The following NALF1 variants were observed in gnomAD, a reference collection of about 807,000 sequenced individuals.
NALF1 encodes NALCN channel auxiliary factor 1, also known as family with sequence similarity 155 member A.
Under a neutral mutation model 48.4 loss-of-function variants are expected in NALF1, and 3 were observed. That is an observed-to-expected ratio of 0.06 (90% CI 0.03 to 0.16). NALF1 has a LOEUF of 0.16. Ranked by LOEUF, NALF1 falls within the 10% of genes least tolerant of loss-of-function variation. The pLI is 1.00. For missense variants in NALF1, 526 were observed against 571.5 expected, an observed-to-expected ratio of 0.92 and a Z score of 0.81; for synonymous variants, 262 against 245.7, an observed-to-expected ratio of 1.07 and a Z score of -0.62.
intron 1 of NALF1, among the ~76,000 whole-genome samples, chr13:107,797,488 C>A (rs796807914): frequency 6.6e-6 from 1 of 152,144 alleles, no homozygotes; most frequent in East Asian, 1.9e-4. Flanking sequence ...GGATTACAGG[C>A]GTGAGCCACC....
intron 1 of NALF1, among the ~76,000 whole-genome samples, chr13:107,372,757 CTTGAAAAG>C (rs1883269030): frequency 1.3e-5 from 2 of 152,160 alleles, no homozygotes; most frequent in Admixed American, 1.3e-4. Context: ...ATCAAACATG[CTTGAAAAG>C]TTGCAATAAT....
At chr13:107,800,395 C>T (rs977027704) in intron 1 of NALF1, among the ~76,000 whole-genome samples, 2 of 151,670 alleles carry the variant, frequency 1.3e-5, no homozygotes, top group Non-Finnish European at 2.9e-5. Flanking sequence ...GATTTACACT[C>T]ATGGAATTAA....
rs902992081 is a variant in NALF1, at chr13:107,330,278, G to C, written c.916-119523C>G. Among the ~76,000 whole-genome samples the C allele has an allele frequency of 4.6e-5, 7 of 152,302 alleles. No homozygotes were observed. The East Asian group carries it at 1.3e-3, about 29-fold the overall frequency. On this transcript the variant is annotated intron_variant, in intron 1 of 2. Coordinates refer to ENST00000375915, the MANE Select transcript of NALF1 (RefSeq NM_001080396.3). ...CTAATGATGAGGAATTTGAAACGTT[G>C]TCTACTTGATGTCCAAAGAGAAAAG...
intron 1 of NALF1, among the ~76,000 whole-genome samples, chr13:107,242,968 G>A (rs772845974): frequency 2.0e-5 from 3 of 152,018 alleles, no homozygotes; most frequent in Admixed American, 6.6e-5. Flanking sequence ...GACAGTTTTA[G>A]GCCAAGCCAC....
chr13:107,649,150 A>G (rs1183259963), intron 1 of NALF1, among the ~76,000 whole-genome samples: 1 of 152,208 alleles, frequency 6.6e-6, no homozygotes, highest in African/African-American at 2.4e-5. Context: ...TTCTCTTAAC[A>G]GCACAGTTTT....
At chr13:107,240,579 T>G (rs1314332181) in intron 1 of NALF1, among the ~76,000 whole-genome samples, 1 of 152,006 alleles carries the variant, frequency 6.6e-6, no homozygotes, top group African/African-American at 2.4e-5. Flanking sequence ...GGCACTCCAT[T>G]CAGACTACAC....
intron 1 of NALF1, among the ~76,000 whole-genome samples, chr13:107,864,168 A>C (rs192664424): frequency 6.6e-6 from 1 of 152,316 alleles, no homozygotes; most frequent in Admixed American, 6.5e-5. Context: ...CCCAGGCATA[A>C]GTTAAAGTGA....
chr13:107,759,779 T>C (rs76856534), intron 1 of NALF1, among the ~76,000 whole-genome samples: 2 of 152,040 alleles, frequency 1.3e-5, no homozygotes, highest in Admixed American at 6.6e-5. Context: ...TTTTTTTTTT[T>C]CTGGGACTTA....
At chr13:107,543,916 G>T (rs1375801604) in intron 1 of NALF1, among the ~76,000 whole-genome samples, 4 of 151,920 alleles carry the variant, frequency 2.6e-5, no homozygotes, top group Non-Finnish European at 2.9e-5. Context: ...AAATATAGTG[G>T]CAATTTAGTG....
At chr13:107,687,345 T>C (rs1392524106) in intron 1 of NALF1, among the ~76,000 whole-genome samples, 1 of 151,956 alleles carries the variant, frequency 6.6e-6, no homozygotes, top group Non-Finnish European at 1.5e-5. Context: ...GCTGCAAATC[T>C]ACTTCTTGGA....
chr13:107,272,690 G>A (rs1309704615), intron 1 of NALF1, among the ~76,000 whole-genome samples: 1 of 152,122 alleles, frequency 6.6e-6, no homozygotes, highest in Non-Finnish European at 1.5e-5. Flanking sequence ...AGGATCATCA[G>A]AAAGTATAAA....
intron 1 of NALF1, among the ~76,000 whole-genome samples, chr13:107,417,398 TA>T (rs1343695463): frequency 6.7e-6 from 1 of 150,158 alleles, no homozygotes; most frequent in African/African-American, 2.4e-5. Context: ...TAAAAGTAGG[TA>T]TCTATTATCT....
intron 1 of NALF1, among the ~76,000 whole-genome samples, chr13:107,211,676 A>T (rs1879764420): frequency 6.7e-6 from 1 of 150,048 alleles, no homozygotes; most frequent in South Asian, 2.1e-4. Context: ...CCTTGGCACT[A>T]ATGGCTTTTA....
rs1884754319 is a variant in NALF1, at chr13:107,452,257, T to C, written c.916-241502A>G. On this transcript the variant is annotated intron_variant, in intron 1 of 2. Transcript: ENST00000375915. ...AGGCACATGGCCTTACGTGTGTTATTAGTCCATTTTCATACTGCTATAAAG... is the reference window on the plus strand; with the variant it reads ...AGGCACATGGCCTTACGTGTGTTATCAGTCCATTTTCATACTGCTATAAAG... 2.0e-5 allele frequency among the ~76,000 whole-genome samples: 3 copies of C among 152,194 alleles called. No individual in the cohort carries two copies. The South Asian group carries it at 6.2e-4, about 32-fold the overall frequency.
chr13:107,486,337 A>G (rs1369413933), intron 1 of NALF1, among the ~76,000 whole-genome samples: 2 of 152,208 alleles, frequency 1.3e-5, no homozygotes, highest in East Asian at 3.9e-4. Context: ...TGGTGAAGAA[A>G]AAAGACCTTC....
intron 1 of NALF1, among the ~76,000 whole-genome samples, chr13:107,452,493 C>G (rs916726650): frequency 6.6e-6 from 1 of 152,142 alleles, no homozygotes; most frequent in African/African-American, 2.4e-5. Context: ...AACTCACTCA[C>G]TATCATGAGA....
chr13:107,444,011 C>G (rs1215820879), intron 1 of NALF1, among the ~76,000 whole-genome samples: 1 of 151,978 alleles, frequency 6.6e-6, no homozygotes, highest in East Asian at 1.9e-4. Context: ...ATTATCTTTT[C>G]CCAGTTTTTC....
intron 1 of NALF1, among the ~76,000 whole-genome samples, chr13:107,335,226 T>C (rs1003620135): frequency 7.2e-5 from 11 of 152,278 alleles, no homozygotes; most frequent in African/African-American, 2.6e-4. Context: ...CATGGTCTCA[T>C]CTTAAATCTG....
intron 1 of NALF1, among the ~76,000 whole-genome samples, chr13:107,401,514 A>G (rs1883807160): frequency 6.6e-6 from 1 of 152,206 alleles, no homozygotes; most frequent in South Asian, 2.1e-4. Flanking sequence ...TATCTTTATC[A>G]CAACAAATAC....
Sources: allele counts gnomAD v4.1 joint callset (sites outside exome capture counted in the v4.1 genomes callset), GRCh38; gene constraint gnomAD v4.1.1; transcripts MANE v1.5; gene names NCBI Gene and HGNC (gene_info 2026-07-23, HGNC 2026-07-21).